Variants in DMD observed in about 807,000 individuals in gnomAD.
DMD encodes dystrophin.
DMD carries 63 observed loss-of-function variants against 330.1 expected under a neutral mutation model. The ratio of observed to expected loss-of-function variants is 0.19; its 90% confidence interval spans 0.16 to 0.24. The LOEUF is 0.24. Among genes scored for constraint, DMD ranks in the 10% least tolerant of loss-of-function variants. The pLI, the probability that DMD is intolerant of heterozygous loss-of-function variation, is 1.00. For synonymous variants in DMD, 1,223 were observed against 959.8 expected (o/e 1.27, Z -5.07); for missense variants, 3,344 against 2,684.1 (o/e 1.25, Z -5.43).
At chrX:33,184,172 T>C (rs1322123074) in intron 1 of DMD, among the ~76,000 whole-genome samples, 1 of 112,163 alleles carries the variant, frequency 8.9e-6, no homozygotes, top group East Asian at 2.8e-4. Context: ...TCACTAGGTG[T>C]TGCATGATTT....
chrX:31,518,910 T>C (rs1397548867), intron 55 of DMD, among the ~76,000 whole-genome samples: 1 of 111,408 alleles, frequency 9.0e-6, no homozygotes, highest in Non-Finnish European at 1.9e-5. Context: ...GTCTTCCCCA[T>C]CCATTAAATA....
chrX:32,664,505 T>C (rs1198864547), intron 9 of DMD, among the ~76,000 whole-genome samples: 1 of 110,389 alleles, frequency 9.1e-6, no homozygotes, highest in Non-Finnish European at 1.9e-5. Context: ...CCTCTCAAAG[T>C]GCTGGGATTA....
intron 1 of DMD, among the ~76,000 whole-genome samples, chrX:33,053,693 T>A (rs1179227038): frequency 2.7e-5 from 3 of 111,882 alleles, no homozygotes; most frequent in African/African-American, 9.7e-5. Context: ...GTAACGTCAA[T>A]TCTAGGTATG....
At chrX:31,850,703 C>G (rs969703843) in intron 48 of DMD, among the ~76,000 whole-genome samples, 6 of 112,550 alleles carry the variant, frequency 5.3e-5, no homozygotes, top group African/African-American at 1.9e-4. Flanking sequence ...TAACTTGATT[C>G]ATAGTGTGGA....
intron 5 of DMD, among the ~76,000 whole-genome samples, chrX:32,822,250 ATTTATT>A (rs1374786279): frequency 2.7e-5 from 3 of 110,894 alleles, no homozygotes; most frequent in African/African-American, 6.5e-5. Flanking sequence ...ATACATACAC[ATTTATT>A]TTTATTTTTA....
At chrX:33,046,201 G>T (rs2094379426) in intron 1 of DMD, among the ~76,000 whole-genome samples, 1 of 111,378 alleles carries the variant, frequency 9.0e-6, no homozygotes, top group African/African-American at 3.3e-5. Flanking sequence ...GACCTGAAAA[G>T]TCACTGAATT....
At chrX:32,506,076 C>T (rs781572050) in intron 18 of DMD, among the ~76,000 whole-genome samples, 3 of 111,721 alleles carry the variant, frequency 2.7e-5, no homozygotes, top group South Asian at 7.4e-4. Context: ...GAAATTACAC[C>T]GCATAACACT....
intron 29 of DMD, among the ~76,000 whole-genome samples, chrX:32,433,994 G>T (rs1034945887): frequency 7.2e-5 from 8 of 111,769 alleles, no homozygotes; most frequent in Admixed American, 6.7e-4. Flanking sequence ...TGATTATCAA[G>T]AATGAAAGAT....
At chrX:32,055,466 G>A (rs140411853) in intron 44 of DMD, among the ~76,000 whole-genome samples, 20,273 of 110,215 alleles carry the variant, frequency 0.18, 1,969 homozygotes, top group African/African-American at 0.38. Context: ...CGACTGAATG[G>A]TGACTATAGT....
At chrX:32,676,061 C>G (rs765393050) in intron 9 of DMD, among the ~76,000 whole-genome samples, 5 of 111,564 alleles carry the variant, frequency 4.5e-5, no homozygotes, top group Admixed American at 1.9e-4. Flanking sequence ...TTGGTCAACT[C>G]ATTCAAGATA....
intron 25 of DMD, among the ~76,000 whole-genome samples, chrX:32,458,812 A>T (rs941822164): frequency 8.1e-5 from 9 of 111,662 alleles, no homozygotes; most frequent in African/African-American, 2.9e-4. Context: ...TGACTATTCA[A>T]GTCCTGTGCT....
intron 7 of DMD, among the ~76,000 whole-genome samples, chrX:32,754,114 A>G (rs912248429): frequency 8.9e-6 from 1 of 111,851 alleles, no homozygotes; most frequent in East Asian, 2.8e-4. Flanking sequence ...TACTAATTAT[A>G]ATAAAACAAT....
chrX:33,334,723 C>G (rs1030469346), intron 1 of DMD, among the ~76,000 whole-genome samples: 1 of 111,104 alleles, frequency 9.0e-6, no homozygotes, highest in Non-Finnish European at 1.9e-5. Flanking sequence ...CATTTACTGA[C>G]CCCTAGCCTG....
intron 44 of DMD, among the ~76,000 whole-genome samples, chrX:32,166,602 C>G (rs763875172): frequency 8.9e-6 from 1 of 112,028 alleles, no homozygotes; most frequent in East Asian, 2.8e-4. Flanking sequence ...CTTCCCATTA[C>G]TATATGAGCT....
chrX:32,731,340 C>T (rs966887865), intron 7 of DMD, among the ~76,000 whole-genome samples: 147 of 112,437 alleles, frequency 1.3e-3, no homozygotes, highest in Non-Finnish European at 1.9e-3. Flanking sequence ...GGGGGAGGGG[C>T]ACCCGCCATT....
intron 7 of DMD, among the ~76,000 whole-genome samples, chrX:32,800,702 T>C (rs58383662): frequency 1.8e-3 from 202 of 110,565 alleles, no homozygotes; most frequent in African/African-American, 6.1e-3. Context: ...ATCACTCCCC[T>C]AGCCCCACAC....
chrX:33,022,365 T>A (rs1027983688), intron 1 of DMD, among the ~76,000 whole-genome samples: 3 of 110,792 alleles, frequency 2.7e-5, no homozygotes, highest in African/African-American at 9.8e-5. Flanking sequence ...ACGAAAACCT[T>A]GACATTATGT....
At chrX:31,474,742 T>C (rs866940905) in intron 59 of DMD, among the ~76,000 whole-genome samples, 1 of 103,299 alleles carries the variant, frequency 9.7e-6, no homozygotes, top group East Asian at 3.1e-4. Flanking sequence ...TAAAATAAAA[T>C]AAAATAAAAT....
chrX:32,401,410 C>G (rs2098085525), intron 30 of DMD, among the ~76,000 whole-genome samples: 1 of 112,002 alleles, frequency 8.9e-6, no homozygotes, highest in Admixed American at 9.5e-5. Flanking sequence ...CTGTCATTTG[C>G]AATAACATGG....
Sources: gnomAD v4.1 joint callset for allele counts (sites outside exome capture counted in the v4.1 genomes callset) on GRCh38, gnomAD v4.1.1 for gene constraint, MANE v1.5 for transcripts, NCBI Gene and HGNC (gene_info 2026-07-23, HGNC 2026-07-21) for gene names.